ZNF3: variants seen among roughly 807,000 people sequenced by gnomAD.
The protein encoded by ZNF3 is zinc finger protein 3, also known as C2-H2 type zinc finger protein.
A neutral mutation model predicts 36.9 loss-of-function variants in ZNF3; 16 were observed. The ratio of observed to expected loss-of-function variants is 0.43; its 90% CI spans 0.29 to 0.66. The LOEUF is 0.66. Among genes scored for constraint, ZNF3 ranks in the 30% least tolerant of loss-of-function variants. The pLI, the probability that ZNF3 is intolerant of heterozygous loss-of-function variation, is 0.13. For missense variants in ZNF3, 462 were observed against 543.1 expected, an observed-to-expected ratio of 0.85 and a Z score of 1.48; for synonymous variants, 201 against 201.9, an observed-to-expected ratio of 1.00 and a Z score of 0.04.
downstream of ZNF3, among the ~76,000 whole-genome samples, chr7:100,068,996 A>AT (rs531579814): frequency 2.5e-4 from 37 of 146,956 alleles, no homozygotes; most frequent in South Asian, 1.1e-3. Context: ...TATATATATA[A>AT]TTTTTTTTTT....
Position 100,070,888 on chromosome 7 carries a change from G to C in ZNF3, c.*255C>G, listed in dbSNP as rs1793021238. Reference sequence around the variant, plus strand: ...CCTCTGCTGTGAGAAAAACAGTTTAGTGCAAACTCCTTTCCTAAATGGGGT... The same window carrying C: ...CCTCTGCTGTGAGAAAAACAGTTTACTGCAAACTCCTTTCCTAAATGGGGT... On this transcript the variant is annotated 3_prime_UTR_variant, in exon 6 of 6. Coordinates refer to ENST00000299667, the MANE Select transcript of ZNF3 (RefSeq NM_032924.5). 1 of 1,274,102 alleles carries C rather than the reference G, an allele frequency of 7.8e-7. No homozygotes were observed. Among genetic ancestry groups the C allele is most frequent in the Non-Finnish European group, 9.9e-7 (1 of 1,010,422 alleles). 78.9% of individuals were successfully genotyped at this position (1,274,102 alleles called of 1,614,324 possible).
Position 100,072,120 on chromosome 7 carries a change from G to A in ZNF3, c.364C>T (p.Gln122Ter), listed in dbSNP as rs1215460414. The change falls in exon 6 of 6, where the codon CAG (glutamine) becomes TAG (stop). Residue 122 changes from glutamine to a stop codon, truncating the protein, a stop_gained. Transcript: ENST00000299667. LOFTEE classifies it high-confidence loss of function. ...TAGGCTTCTTTAAACTTGAGACCCTGAGAAATATCCTTTTGAAATCTTCCC... is the reference window on the plus strand; with the variant it reads ...TAGGCTTCTTTAAACTTGAGACCCTAAGAAATATCCTTTTGAAATCTTCCC... ...LLGRFQKDIS[Q>*]GLKFKEAYER... The A allele has an allele frequency of 1.9e-6, 3 of 1,613,966 alleles. No individual in the cohort carries two copies. The highest frequency in any genetic ancestry group is 1.3e-5 in the African/African-American group (1 of 74,932).
chr7:100,072,350 G>A lies in ZNF3; in HGVS notation c.272-138C>T, dbSNP rs1032129942. 3 of 794,202 alleles carry A rather than the reference G, an allele frequency of 3.8e-6. No individual in the cohort carries two copies. In the Admixed American group the frequency reaches 9.2e-5, roughly 24 times the overall value. 49.2% of individuals were successfully genotyped at this position (794,202 alleles called of 1,614,324 possible). ...AAGAGGCCTGCCCCACATGTGTGCG[G>A]CTAAGGCAAAATGAGACAGCCGGGC... On this transcript the variant is annotated intron_variant, in intron 5 of 5. Coordinates refer to ENST00000299667, the MANE Select transcript of ZNF3 (RefSeq NM_032924.5).
intron 1 of ZNF3, among the ~76,000 whole-genome samples, 172 bp from the exon 2 acceptor site, chr7:100,079,828 G>A (rs1483965112): frequency 6.6e-6 from 1 of 152,044 alleles, no homozygotes; most frequent in Non-Finnish European, 1.5e-5. Flanking sequence ...CTCCCAAGGA[G>A]CTGGGACTAA....
Position 100,079,914 on chromosome 7 carries a change from G to C in ZNF3, c.-197-258C>G, listed in dbSNP as rs1584463889. On this transcript the variant is annotated intron_variant, in intron 1 of 5. Coordinates refer to ENST00000299667, the MANE Select transcript of ZNF3 (RefSeq NM_032924.5). ...AATGCAGCCTCACTGTGTTGCTCAG[G>C]CTGGTCTCAATCTCCTGGCCTCAAG... is the stretch of plus-strand genomic sequence containing the variant. Among the ~76,000 whole-genome samples the C allele has an allele frequency of 2.6e-5, 4 of 151,824 alleles. No homozygotes were observed. In the South Asian group the frequency reaches 8.4e-4, roughly 32 times the overall value.
chr7:100,072,114 G>A lies in ZNF3; in HGVS notation c.370C>T (p.Leu124Phe), dbSNP rs1337765928. ...GRFQKDISQG[L>F]KFKEAYEREV... is the part of the protein sequence containing the mutation. The stretch of plus-strand genomic sequence containing the variant: ...CGTTCATAGGCTTCTTTAAACTTGA[G>A]ACCCTGAGAAATATCCTTTTGAAAT... The change falls in exon 6 of 6, where the codon CTC becomes TTC. Residue 124 changes from leucine (L) to phenylalanine (F), a missense_variant. Physicochemically the swap from Leu to Phe is conservative, Grantham distance 22. Transcript: ENST00000299667. The A allele has an allele frequency of 6.2e-7, 1 of 1,614,010 alleles. No individual in the cohort carries two copies. The highest frequency in any genetic ancestry group is 2.2e-5 in the East Asian group (1 of 44,902).
Position 100,077,396 on chromosome 7 carries a change from T to C in ZNF3, c.-39A>G. 3 of 1,613,256 alleles carry C rather than the reference T, an allele frequency of 1.9e-6. No homozygotes were observed. Among genetic ancestry groups the C allele is most frequent in the Non-Finnish European group, 2.5e-6 (3 of 1,179,842 alleles). ...GCTCTCTGGTCTCCTGGGTGCAGAC[T>C]CAGCGGGAAGCGGGTTTTAAAAGAG... On this transcript the variant is annotated 5_prime_UTR_variant, in exon 3 of 6. Coordinates refer to ENST00000299667, the MANE Select transcript of ZNF3 (RefSeq NM_032924.5).
chr7:100,075,439 C>G, intron 4 of ZNF3, 103 bp downstream of exon 4: 2 of 1,524,902 alleles, frequency 1.3e-6, no homozygotes, highest in Non-Finnish European at 1.8e-6. Context: ...TTCAGCAGGA[C>G]AGAACCATGG....
chr7:100,064,499 A>G (rs770030429), exon 6 of ZNF3: 2 of 1,613,946 alleles, frequency 1.2e-6, no homozygotes, highest in African/African-American at 2.7e-5. Context: ...AATAAACACC[A>G]CAGAATCCAC....
chr7:100,078,276 C>A (rs917881441), intron 2 of ZNF3, among the ~76,000 whole-genome samples: 2 of 151,664 alleles, frequency 1.3e-5, no homozygotes, highest in African/African-American at 2.4e-5. Context: ...GCAGGCAAAT[C>A]ACGAGGTCAG....
At position 100,070,688 on chromosome 7, in the gene ZNF3, T is replaced by C. The variant is rs1792985457; in HGVS notation, c.*455A>G. The C allele has an allele frequency of 1.0e-6, 1 of 993,362 alleles. No individual in the cohort carries two copies. The highest frequency in any genetic ancestry group is 1.2e-6 in the Non-Finnish European group (1 of 834,540). The allele number at this position is 993,362 out of a possible 1,614,324, so 61.5% of individuals were successfully genotyped here. ...AAAACAGCATGTTTCTTACCGAAAC[T>C]TAAAGCTGGACTAGGAACAGTAGCT... On this transcript the variant is annotated 3_prime_UTR_variant, in exon 6 of 6. Coordinates refer to ENST00000299667, the MANE Select transcript of ZNF3 (RefSeq NM_032924.5).
At position 100,064,689 on chromosome 7, in the gene ZNF3, T is replaced by G. The variant is rs746461567; in HGVS notation, c.*99A>C. The stretch of plus-strand genomic sequence containing the variant: ...GAAAACCAGAAAGAAGTCTTGTCAT[T>G]GCAGCAGCATCGATTCCGGTGATAG... On this transcript the variant is annotated 3_prime_UTR_variant, in exon 6 of 6. Coordinates refer to the ZNF3 transcript ENST00000413658. 5.0e-6 allele frequency: 8 copies of G among 1,606,012 alleles called. No individual in the cohort carries two copies. In the East Asian group the frequency reaches 1.8e-4, roughly 36 times the overall value.
intron 5 of ZNF3, 68 bp from the exon 6 acceptor site, chr7:100,072,280 G>C: frequency 7.2e-7 from 1 of 1,386,376 alleles, no homozygotes; most frequent in Non-Finnish European, 9.8e-7. Flanking sequence ...CACAGGACAG[G>C]ATCATTGTAA....
In ZNF3 at chr7:100,076,647, A is replaced by G. The variant is rs142495670; in HGVS notation, c.55+656T>C. On this transcript the variant is annotated intron_variant, in intron 3 of 5. Coordinates refer to ENST00000299667, the MANE Select transcript of ZNF3 (RefSeq NM_032924.5). ...CTCTGTCTTTTTGTCTATGACCCATAAAATGATTCCGAAGCGCCTCCTCTA... is the reference window on the plus strand; with the variant it reads ...CTCTGTCTTTTTGTCTATGACCCATGAAATGATTCCGAAGCGCCTCCTCTA... Among the ~76,000 whole-genome samples the G allele has an allele frequency of 7.2e-3, 1,097 of 152,270 alleles. 8 individuals are homozygous for G. The highest frequency in any genetic ancestry group is 0.013 in the South Asian group (64 of 4,824).
chr7:100,078,287 G>A (rs549173127), intron 2 of ZNF3, among the ~76,000 whole-genome samples: 39 of 151,628 alleles, frequency 2.6e-4, no homozygotes, highest in African/African-American at 9.2e-4. Context: ...ACGAGGTCAG[G>A]AGTTCGAGAC....
At chr7:100,066,571 A>G (rs1179548388), downstream of ZNF3, among the ~76,000 whole-genome samples, 1 of 141,032 alleles carries the variant, frequency 7.1e-6, no homozygotes, top group Non-Finnish European at 1.6e-5. Context: ...TTTACTAAAA[A>G]TACAAAAAAA....
rs73713939 is a variant in ZNF3, at chr7:100,080,024, A to G, written c.-197-368T>C. 2.9e-3 allele frequency among the ~76,000 whole-genome samples: 439 copies of G among 152,242 alleles called. 5 individuals carry two copies. The highest frequency in any genetic ancestry group is 0.01 in the African/African-American group (423 of 41,542). ...AGCCTAAACTTCATTTCTAATCAAG[A>G]CATTTAAAGAAAAGGAAAAAAAAGA... On this transcript the variant is annotated intron_variant, in intron 1 of 5. Transcript: ENST00000299667.
downstream of ZNF3, chr7:100,063,985 G>A: frequency 6.2e-7 from 1 of 1,614,172 alleles, no homozygotes; most frequent in Non-Finnish European, 8.5e-7. Context: ...GAAAGGTAGA[G>A]AATCAGTTCC....
downstream of ZNF3, among the ~76,000 whole-genome samples, chr7:100,069,211 GCCTC>G (rs201918064): frequency 6.0e-3 from 919 of 151,950 alleles, 5 homozygotes; most frequent in Middle Eastern, 0.044. Context: ...TACTGCCTTG[GCCTC>G]CCTAAGTGTT....
Sources: allele counts gnomAD v4.1 joint callset (sites outside exome capture counted in the v4.1 genomes callset), GRCh38; gene constraint gnomAD v4.1.1; transcripts MANE v1.5; gene names NCBI Gene and HGNC (gene_info 2026-07-23, HGNC 2026-07-21).